BRINP2: variants seen among roughly 807,000 people sequenced by gnomAD.
The protein encoded by BRINP2 is BMP/retinoic acid inducible neural specific 2, also known as BMP/retinoic acid-inducible neural-specific protein 2.
Under a neutral mutation model 69.2 loss-of-function variants are expected in BRINP2, and 21 were observed. The observed-to-expected ratio is 0.30, with a 90% CI of 0.22 to 0.44. The LOEUF (loss-of-function observed/expected upper bound fraction) is 0.44. BRINP2 is among the 20% of genes least tolerant of loss of function. BRINP2 has a pLI of 1.00. For synonymous variants in BRINP2, 380 were observed against 394.1 expected (o/e 0.96, Z 0.42); for missense variants, 877 against 986.0 (o/e 0.89, Z 1.48).
chr1:177,204,421 G>T (rs989943069), intron 1 of BRINP2, among the ~76,000 whole-genome samples: 10 of 151,836 alleles, frequency 6.6e-5, no homozygotes, highest in African/African-American at 2.4e-4. Flanking sequence ...TGAGCTTTGA[G>T]AAACTCCAAT....
chr1:177,212,924 G>C (rs548353826), intron 1 of BRINP2, among the ~76,000 whole-genome samples: 2 of 152,288 alleles, frequency 1.3e-5, no homozygotes, highest in South Asian at 2.1e-4. Flanking sequence ...GCACTACTGG[G>C]TATAATACCT....
intron 1 of BRINP2, among the ~76,000 whole-genome samples, chr1:177,205,178 T>C (rs1472459937): frequency 1.3e-5 from 2 of 152,166 alleles, no homozygotes; most frequent in Non-Finnish European, 2.9e-5. Flanking sequence ...AGTTTCACTC[T>C]TGTCTTCCAG....
intron 4 of BRINP2, among the ~76,000 whole-genome samples, chr1:177,260,995 G>A (rs1334812842): frequency 6.6e-6 from 1 of 152,164 alleles, no homozygotes; most frequent in Non-Finnish European, 1.5e-5. Flanking sequence ...AGGGTGATGG[G>A]GATGTGGAGT....
rs1218765375 is a variant in BRINP2 at position 177,187,714 on chromosome 1, T to G, written c.-77+15982T>G. ...TGCTCTTGAACAGTGAATGTTGTAT[T>G]CCACTTATTTAATGATATAGCAAGT... On this transcript the variant is annotated intron_variant, in intron 1 of 7. Coordinates refer to ENST00000361539, the MANE Select transcript of BRINP2 (RefSeq NM_021165.4). Among the ~76,000 whole-genome samples the G allele has an allele frequency of 7.9e-5, 12 of 152,284 alleles. No individual in the cohort carries two copies. In the East Asian group the frequency reaches 2.3e-3, roughly 29 times the overall value.
chr1:177,173,302 T>G (rs1324384755), intron 1 of BRINP2, among the ~76,000 whole-genome samples: 3 of 152,148 alleles, frequency 2.0e-5, no homozygotes, highest in African/African-American at 7.2e-5. Context: ...AGGATATAAT[T>G]TGAAAAGGCA....
At chr1:177,203,023 C>G (rs898080471) in intron 1 of BRINP2, among the ~76,000 whole-genome samples, 2 of 152,070 alleles carry the variant, frequency 1.3e-5, no homozygotes, top group African/African-American at 2.4e-5. Flanking sequence ...AAGACACATG[C>G]ACACGTATGT....
At chr1:177,221,839 A>G (rs1649540443) in intron 1 of BRINP2, among the ~76,000 whole-genome samples, 1 of 152,208 alleles carries the variant, frequency 6.6e-6, no homozygotes, top group Non-Finnish European at 1.5e-5. Flanking sequence ...CCGCATAATC[A>G]ATGCACAGAG....
At chr1:177,277,183 C>T in intron 6 of BRINP2, among the ~76,000 whole-genome samples, 1 of 148,540 alleles carries the variant, frequency 6.7e-6, no homozygotes, top group Admixed American at 6.6e-5. Flanking sequence ...ATAATGTCTT[C>T]ATATAATACT....
At chr1:177,221,539 T>C (rs1649532930) in intron 1 of BRINP2, among the ~76,000 whole-genome samples, 1 of 152,232 alleles carries the variant, frequency 6.6e-6, no homozygotes, top group African/African-American at 2.4e-5. Context: ...ATTTTATCAC[T>C]GGATCCCATC....
chr1:177,194,062 C>T lies in BRINP2; in HGVS notation c.-77+22330C>T, dbSNP rs188280925. 1.4e-3 allele frequency among the ~76,000 whole-genome samples: 219 copies of T among 152,130 alleles called. 1 individual carries two copies. The highest frequency in any genetic ancestry group is 5.1e-3 in the African/African-American group (213 of 41,520). ...TTGCAATGGAAATGTTGGTATTAGC[C>T]CTAAACAGACACTGACATACAAAGA... On this transcript the variant is annotated intron_variant, in intron 1 of 7. Transcript: ENST00000361539.
At chr1:177,241,172 C>T (rs1650191297) in intron 2 of BRINP2, among the ~76,000 whole-genome samples, 1 of 152,118 alleles carries the variant, frequency 6.6e-6, no homozygotes, top group Non-Finnish European at 1.5e-5. Flanking sequence ...CGGGTTTCAC[C>T]GTGTTAGCCA....
chr1:177,193,229 G>T (rs1017036362), intron 1 of BRINP2, among the ~76,000 whole-genome samples: 2 of 152,256 alleles, frequency 1.3e-5, no homozygotes, highest in East Asian at 1.9e-4. Flanking sequence ...CAGAAGCCAC[G>T]AGCATGTGAT....
At chr1:177,231,945 G>A (rs983909935) in intron 2 of BRINP2, among the ~76,000 whole-genome samples, 4 of 152,144 alleles carry the variant, frequency 2.6e-5, no homozygotes, top group Non-Finnish European at 5.9e-5. Flanking sequence ...GGCAAATTCA[G>A]GGTGACCTTC....
chr1:177,267,475 T>C (rs1294618962), intron 4 of BRINP2, among the ~76,000 whole-genome samples: 1 of 152,216 alleles, frequency 6.6e-6, no homozygotes, highest in Non-Finnish European at 1.5e-5. Context: ...CTTTCTATTT[T>C]ATCTCTTGGT....
chr1:177,220,359 TG>T (rs1189611469), intron 1 of BRINP2, among the ~76,000 whole-genome samples: 4 of 152,224 alleles, frequency 2.6e-5, no homozygotes, highest in Non-Finnish European at 5.9e-5. Flanking sequence ...ATGAATGGCT[TG>T]GGTCATTCCT....
chr1:177,209,168 TGTG>T (rs1192097380), intron 1 of BRINP2, among the ~76,000 whole-genome samples: 2 of 151,606 alleles, frequency 1.3e-5, no homozygotes, highest in East Asian at 3.9e-4. Context: ...CATCACAGTA[TGTG>T]GTGGCCCTGT....
chr1:177,189,728 A>G (rs995639577), intron 1 of BRINP2, among the ~76,000 whole-genome samples: 1 of 152,202 alleles, frequency 6.6e-6, no homozygotes, highest in African/African-American at 2.4e-5. Flanking sequence ...TTTTGTCCTC[A>G]TAGAGCCTGA....
chr1:177,275,423 C>A (rs1197959726), intron 5 of BRINP2, among the ~76,000 whole-genome samples: 1 of 152,120 alleles, frequency 6.6e-6, no homozygotes, highest in Non-Finnish European at 1.5e-5. Context: ...AGAGTTAAAT[C>A]CTATTGAAAT....
chr1:177,193,088 CT>C (rs1648639767), intron 1 of BRINP2, among the ~76,000 whole-genome samples: 1 of 152,318 alleles, frequency 6.6e-6, no homozygotes, highest in Non-Finnish European at 1.5e-5. Flanking sequence ...GAAGCGTAAA[CT>C]GCTTATGGAT....
Sources: gnomAD v4.1 joint callset for allele counts (sites outside exome capture counted in the v4.1 genomes callset) on GRCh38, gnomAD v4.1.1 for gene constraint, MANE v1.5 for transcripts, NCBI Gene and HGNC (gene_info 2026-07-23, HGNC 2026-07-21) for gene names.